HMCN1: variants seen among roughly 807,000 people sequenced by gnomAD.
HMCN1 encodes the protein hemicentin 1, also known as hemicentin-1.
HMCN1 carries 321 observed loss-of-function variants against 625.9 expected under a neutral mutation model. The ratio of observed to expected loss-of-function variants is 0.51; its 90% CI spans 0.47 to 0.56. HMCN1 has a LOEUF of 0.56. Among genes scored for constraint, HMCN1 ranks in the 20% least tolerant of loss-of-function variants. The pLI, the probability that HMCN1 is intolerant of heterozygous loss-of-function variation, is 0.00. For missense variants in HMCN1, 6,588 were observed against 6,887.3 expected, an observed-to-expected ratio of 0.96 and a Z score of 1.54; for synonymous variants, 2,425 against 2,417.6, an observed-to-expected ratio of 1.00 and a Z score of -0.09.
At chr1:186,032,157 C>T (rs1444542219) in intron 36 of HMCN1, among the ~76,000 whole-genome samples, 1 of 151,982 alleles carries the variant, frequency 6.6e-6, no homozygotes, top group Non-Finnish European at 1.5e-5. Flanking sequence ...TATTAGCAAA[C>T]TGTGCATCTG....
Position 186,103,627 on chromosome 1 carries a change from A to T in HMCN1, c.10729A>T (p.Thr3577Ser), listed in dbSNP as rs753986022. The change falls in exon 69 of 107, where the codon ACT (threonine) becomes TCT (serine). Residue 3577 changes from threonine (T) to serine (S), a missense_variant. Thr to Ser is a moderately conservative substitution (Grantham distance 58, BLOSUM62 1). Coordinates refer to ENST00000271588, the MANE Select transcript of HMCN1 (RefSeq NM_031935.3). ...RPLPQTDQVQ[T>S]LGGGEVLRIS... ...CCTTCCACAGACGGATCAAGTGCAA[A>T]CTCTAGGAGGAGGAGAGGTTCTTCG... 42 of 1,613,650 alleles carry T rather than the reference A, an allele frequency of 2.6e-5. 1 individual carries two copies. Among genetic ancestry groups the T allele is most frequent in the Non-Finnish European group, 3.5e-5 (41 of 1,179,794 alleles).
rs1484465217 is a variant in HMCN1, at chr1:186,128,350, GCT to G, written c.12904+62_12904+63del. 12 of 1,354,836 alleles carry G rather than the reference GCT, an allele frequency of 8.9e-6. No homozygotes were observed. In the African/African-American group the frequency reaches 1.3e-4, roughly 15 times the overall value. The allele number at this position is 1,354,836 out of a possible 1,614,324, so 83.9% of individuals were successfully genotyped here. On this transcript the variant is annotated intron_variant, in intron 83 of 106. Transcript: ENST00000271588. ...ACACCTATGTAGAACTCTAGACGAA[GCT>G]CTGTTTCCTCCAGCTGTGAAAATTG...
chr1:185,992,247 T>G (rs1399240718), intron 22 of HMCN1, among the ~76,000 whole-genome samples: 2 of 152,212 alleles, frequency 1.3e-5, no homozygotes, highest in Non-Finnish European at 2.9e-5. Context: ...TGTCTTTTGT[T>G]GTACAGAAGG....
chr1:185,801,001 A>G (rs1272235298), intron 1 of HMCN1, among the ~76,000 whole-genome samples: 1 of 152,348 alleles, frequency 6.6e-6, no homozygotes, highest in African/African-American at 2.4e-5. Flanking sequence ...AAAGCAAAAG[A>G]TGAGATGTTT....
intron 1 of HMCN1, among the ~76,000 whole-genome samples, chr1:185,819,237 C>CAAAAAAAAAAAAAAAAAAA (rs575598587): frequency 8.0e-6 from 1 of 125,134 alleles, no homozygotes; most frequent in African/African-American, 2.9e-5. Context: ...ATCTCCATCT[C>CAAAAAAAAAAAAAAAAAAA]AAAAAAAAAA....
At chr1:185,971,466 T>G (rs1433781771) in intron 15 of HMCN1, among the ~76,000 whole-genome samples, 4 of 152,196 alleles carry the variant, frequency 2.6e-5, no homozygotes, top group African/African-American at 4.8e-5. Context: ...AAATAGAACC[T>G]GGCATTTAAT....
chr1:185,989,197 C>T lies in HMCN1; in HGVS notation c.3049-291C>T, dbSNP rs187763422. Among the ~76,000 whole-genome samples, 18 of 151,790 alleles carry T rather than the reference C, an allele frequency of 1.2e-4. No individual in the cohort carries two copies. The East Asian group carries it at 2.3e-3, about 20-fold the overall frequency. ...TAATTTTTTGTGTTTTTAGTAGGGA[C>T]GGGGTTTCACCGTGGTCTCGATCTC... On this transcript the variant is annotated intron_variant, in intron 20 of 106. Transcript: ENST00000271588.
intron 2 of HMCN1, 44 bp from the exon 3 acceptor site, chr1:185,864,425 TG>T: frequency 6.3e-7 from 1 of 1,597,342 alleles, no homozygotes; most frequent in Non-Finnish European, 8.6e-7. Context: ...AATATTCAAT[TG>T]TTTTTGATGA....
intron 1 of HMCN1, among the ~76,000 whole-genome samples, chr1:185,748,278 C>A (rs894551905): frequency 6.6e-6 from 1 of 152,030 alleles, no homozygotes; most frequent in African/African-American, 2.4e-5. Context: ...GTCTTCCCAG[C>A]TCTTCTTAGG....
chr1:186,152,932 A>G, intron 96 of HMCN1, 61 bp downstream of exon 96: 1 of 1,599,638 alleles, frequency 6.3e-7, no homozygotes, highest in African/African-American at 1.3e-5. Flanking sequence ...TGAAAGGTCC[A>G]TAGAATGAGC....
intron 11 of HMCN1, among the ~76,000 whole-genome samples, chr1:185,946,618 T>A (rs886134510): frequency 1.6e-4 from 25 of 152,222 alleles, no homozygotes; most frequent in African/African-American, 6.0e-4. Flanking sequence ...CATCATTTAG[T>A]TGAAAGTTTT....
At chr1:185,967,369 G>A (rs1650483561) in intron 14 of HMCN1, among the ~76,000 whole-genome samples, 2 of 152,030 alleles carry the variant, frequency 1.3e-5, no homozygotes, top group Non-Finnish European at 2.9e-5. Context: ...CACTACATGA[G>A]AGATTCTAGA....
chr1:186,185,687 G>C (rs1285725610), intron 105 of HMCN1, among the ~76,000 whole-genome samples: 2 of 152,202 alleles, frequency 1.3e-5, no homozygotes, highest in Non-Finnish European at 2.9e-5. Context: ...CTTAGAAGAT[G>C]TTTGGAGCCA....
chr1:185,783,730 C>T (rs1571345784), intron 1 of HMCN1, among the ~76,000 whole-genome samples: 1 of 152,160 alleles, frequency 6.6e-6, no homozygotes, highest in African/African-American at 2.4e-5. Flanking sequence ...GGGTACCCGG[C>T]CATGTGAGGT....
intron 1 of HMCN1, among the ~76,000 whole-genome samples, chr1:185,748,217 A>G (rs1654557537): frequency 6.6e-6 from 1 of 152,084 alleles, no homozygotes; most frequent in South Asian, 2.1e-4. Context: ...AAAGCCTTTT[A>G]CTAGAGCACA....
chr1:185,740,912 C>T (rs913228883), intron 1 of HMCN1, among the ~76,000 whole-genome samples: 3 of 151,994 alleles, frequency 2.0e-5, no homozygotes, highest in South Asian at 2.1e-4. Context: ...TAGAATCGCT[C>T]GAACCCTGGA....
chr1:186,153,932 C>G lies in HMCN1; in HGVS notation c.15201C>G (p.Asp5067Glu), dbSNP rs752279443. 1 of 1,614,100 alleles carries G rather than the reference C, an allele frequency of 6.2e-7. No homozygotes were observed. ...ETLHASSVES[D>E]YNQIEETLGF... Reference sequence around the variant, plus strand: ...TTCATGCATCCTCTGTGGAATCTGACTATAACCAGATAGAAGAGACACTGG... The same window carrying G: ...TTCATGCATCCTCTGTGGAATCTGAGTATAACCAGATAGAAGAGACACTGG... Residue 5067 changes from aspartate (D) to glutamate (E), a missense_variant, in exon 97 of 107, where the codon GAC (aspartate) becomes GAG (glutamate). This residue lies in a region of HMCN1 where 1,954 missense variants were observed against 2,013.1 expected (regional missense o/e 0.97). Coordinates refer to ENST00000271588, the MANE Select transcript of HMCN1 (RefSeq NM_031935.3).
At chr1:186,132,501 A>G in intron 86 of HMCN1, 92 bp downstream of exon 86, 1 of 999,954 alleles carries the variant, frequency 1.0e-6, no homozygotes, top group South Asian at 1.4e-5. Context: ...TAGCAAGTTC[A>G]TTAGTGGTAG....
intron 71 of HMCN1, among the ~76,000 whole-genome samples, chr1:186,109,705 A>G (rs1188016164): frequency 2.0e-5 from 3 of 152,234 alleles, no homozygotes; most frequent in South Asian, 2.1e-4. Context: ...AGTGATTCCA[A>G]TCACAGGTAA....
Sources: gnomAD v4.1 joint callset for allele counts (sites outside exome capture counted in the v4.1 genomes callset) on GRCh38, gnomAD v4.1.1 for gene constraint, gnomAD v4.1.1 regional missense constraint, MANE v1.5 for transcripts, NCBI Gene and HGNC (gene_info 2026-07-23, HGNC 2026-07-21) for gene names.